RIT2: variants seen among roughly 807,000 people sequenced by gnomAD.
RIT2 encodes the protein GTP-binding protein Rit2.
Under a neutral mutation model 23.7 loss-of-function variants are expected in RIT2, and 24 were observed. That is an observed-to-expected ratio of 1.01 (90% CI 0.73 to 1.43). The LOEUF is 1.43. Ranked by LOEUF, RIT2 falls within the 40% of genes most tolerant of loss-of-function variation. The pLI, the probability that RIT2 is intolerant of heterozygous loss-of-function variation, is 0.00. For synonymous variants in RIT2, 107 were observed against 91.1 expected, an observed-to-expected ratio of 1.17 and a Z score of -0.99; for missense variants, 236 against 266.9, an observed-to-expected ratio of 0.88 and a Z score of 0.81.
intron 4 of RIT2, among the ~76,000 whole-genome samples, chr18:42,899,212 A>G (rs1908411960): frequency 6.6e-6 from 1 of 151,556 alleles, no homozygotes; most frequent in Non-Finnish European, 1.5e-5. Flanking sequence ...ACTACATTGA[A>G]TGTTGTCACA....
At chr18:42,790,319 A>G (rs1378491727) in intron 4 of RIT2, among the ~76,000 whole-genome samples, 1 of 152,222 alleles carries the variant, frequency 6.6e-6, no homozygotes, top group Admixed American at 6.5e-5. Context: ...AGATGGATCA[A>G]TATGCATCTT....
chr18:42,943,137 C>A (rs1460569614), intron 3 of RIT2, among the ~76,000 whole-genome samples: 2 of 152,098 alleles, frequency 1.3e-5, no homozygotes, highest in African/African-American at 4.8e-5. Context: ...GCTGGTGTGG[C>A]CAGCTTTTAT....
At chr18:42,822,501 G>C (rs771443814) in intron 4 of RIT2, among the ~76,000 whole-genome samples, 1 of 152,074 alleles carries the variant, frequency 6.6e-6, no homozygotes, top group Non-Finnish European at 1.5e-5. Flanking sequence ...ATCTGCAATG[G>C]TTGGTTCCAA....
At chr18:43,085,470 A>G (rs1304555721) in intron 1 of RIT2, among the ~76,000 whole-genome samples, 1 of 152,084 alleles carries the variant, frequency 6.6e-6, no homozygotes, top group African/African-American at 2.4e-5. Context: ...CTAACTTTGT[A>G]CCCTTTGCTC....
At chr18:43,095,885 G>A (rs974594253) in intron 1 of RIT2, among the ~76,000 whole-genome samples, 10 of 151,878 alleles carry the variant, frequency 6.6e-5, no homozygotes, top group Non-Finnish European at 1.2e-4. Context: ...ATTAAAGGTG[G>A]GGAATATAAA....
chr18:43,102,648 A>T (rs931924811), intron 1 of RIT2, among the ~76,000 whole-genome samples: 2 of 150,616 alleles, frequency 1.3e-5, no homozygotes, highest in African/African-American at 4.9e-5. Flanking sequence ...GCATTTATTT[A>T]TTTATTTATT....
intron 2 of RIT2, among the ~76,000 whole-genome samples, chr18:43,024,535 A>T (rs1598751554): frequency 6.6e-6 from 1 of 152,104 alleles, no homozygotes; most frequent in Admixed American, 6.6e-5. Flanking sequence ...CTCAAAAACA[A>T]ATGCAACAAA....
intron 1 of RIT2, among the ~76,000 whole-genome samples, chr18:43,076,003 T>C (rs1227341146): frequency 1.3e-5 from 2 of 152,194 alleles, no homozygotes; most frequent in African/African-American, 4.8e-5. Context: ...GCCATTTCAA[T>C]AGAAACAAGC....
At chr18:42,895,511 G>A (rs1374651605) in intron 4 of RIT2, among the ~76,000 whole-genome samples, 7 of 151,876 alleles carry the variant, frequency 4.6e-5, no homozygotes, top group Non-Finnish European at 1.0e-4. Context: ...GAATGTTTTG[G>A]GGGCAGTAAG....
At chr18:42,847,927 G>C (rs1022743856) in intron 4 of RIT2, among the ~76,000 whole-genome samples, 2 of 150,822 alleles carry the variant, frequency 1.3e-5, no homozygotes, top group South Asian at 4.2e-4. Context: ...CTGGCTACTA[G>C]ATGATAAATC....
intron 1 of RIT2, among the ~76,000 whole-genome samples, chr18:43,099,058 A>G (rs954941494): frequency 1.3e-5 from 2 of 151,996 alleles, no homozygotes; most frequent in African/African-American, 4.8e-5. Flanking sequence ...GTTCTAGGTA[A>G]ATCATATATA....
intron 1 of RIT2, among the ~76,000 whole-genome samples, chr18:43,109,716 G>A (rs1193618374): frequency 6.6e-6 from 1 of 152,166 alleles, no homozygotes; most frequent in Non-Finnish European, 1.5e-5. Flanking sequence ...TTTCCACCAT[G>A]AGATGGTGCA....
At chr18:42,905,678 G>A (rs969470455) in intron 4 of RIT2, among the ~76,000 whole-genome samples, 1 of 151,976 alleles carries the variant, frequency 6.6e-6, no homozygotes, top group Admixed American at 6.6e-5. Flanking sequence ...TCACCATGTT[G>A]GTCAGGCTGG....
At chr18:42,815,922 A>G (rs148336179) in intron 4 of RIT2, among the ~76,000 whole-genome samples, 9 of 152,294 alleles carry the variant, frequency 5.9e-5, no homozygotes, top group African/African-American at 1.9e-4. Context: ...CATAACAACC[A>G]TAGACTATAC....
At chr18:42,952,748 T>TAAAAAA (rs1909882727) in intron 3 of RIT2, among the ~76,000 whole-genome samples, 5 of 151,994 alleles carry the variant, frequency 3.3e-5, no homozygotes, top group Admixed American at 3.3e-4. Context: ...ATATACTACA[T>TAAAAAA]ACATACACAT....
intron 1 of RIT2, among the ~76,000 whole-genome samples, chr18:43,080,664 A>G (rs1913135978): frequency 6.6e-6 from 1 of 152,206 alleles, no homozygotes; most frequent in Admixed American, 6.5e-5. Flanking sequence ...AAAACCCACT[A>G]TATGCTTATT....
At chr18:43,088,714 G>T (rs1177878732) in intron 1 of RIT2, among the ~76,000 whole-genome samples, 1 of 151,990 alleles carries the variant, frequency 6.6e-6, no homozygotes, top group East Asian at 1.9e-4. Context: ...TCATTTTCAT[G>T]GCCTCCATTC....
At chr18:42,744,889 A>G (rs1912881783) in intron 4 of RIT2, among the ~76,000 whole-genome samples, 1 of 152,192 alleles carries the variant, frequency 6.6e-6, no homozygotes, top group Non-Finnish European at 1.5e-5. Flanking sequence ...GGTGGCAGTT[A>G]CCCATGCTGT....
intron 4 of RIT2, among the ~76,000 whole-genome samples, chr18:42,907,908 GAT>G (rs1908665331): frequency 6.6e-6 from 1 of 151,692 alleles, no homozygotes; most frequent in Admixed American, 6.6e-5. Flanking sequence ...TTGAGCCCAA[GAT>G]ATAGAGGTTG....
Sources: gnomAD v4.1 joint callset for allele counts (sites outside exome capture counted in the v4.1 genomes callset) on GRCh38, gnomAD v4.1.1 for gene constraint, MANE v1.5 for transcripts, NCBI Gene and HGNC (gene_info 2026-07-23, HGNC 2026-07-21) for gene names.